Variants in CD74 observed in about 807,000 individuals in gnomAD.
The protein encoded by CD74 is HLA class II histocompatibility antigen gamma chain.
CD74 carries 20 observed loss-of-function variants against 37.1 expected under a neutral mutation model. The observed-to-expected ratio is 0.54, with a 90% CI of 0.38 to 0.78. CD74 has a LOEUF of 0.78. Among genes scored for constraint, CD74 ranks in the 30% least tolerant of loss-of-function variants. The pLI, the probability that CD74 is intolerant of heterozygous loss-of-function variation, is 0.00. For synonymous variants in CD74, 150 were observed against 152.0 expected, an observed-to-expected ratio of 0.99 and a Z score of 0.10; for missense variants, 338 against 389.5, an observed-to-expected ratio of 0.87 and a Z score of 1.11.
At chr5:150,404,056 T>C (rs1036864996) in intron 6 of CD74, among the ~76,000 whole-genome samples, 1 of 152,192 alleles carries the variant, frequency 6.6e-6, no homozygotes, top group African/African-American at 2.4e-5. Flanking sequence ...GGAGATAGCA[T>C]GTAAGGTGCC....
chr5:150,410,139 G>T (rs767860801), intron 1 of CD74, among the ~76,000 whole-genome samples: 8 of 152,214 alleles, frequency 5.3e-5, no homozygotes, highest in Admixed American at 1.3e-4. Flanking sequence ...GCCTTCTCAA[G>T]GAACACGGGT....
At position 150,404,736 on chromosome 5, in the gene CD74, A is replaced by G. The variant is rs2151177208; in HGVS notation, c.569T>C (p.Leu190Pro). ...CAAGGAGTGCCTGCTCATTTCAAAC[A>G]GGAGCCAATGGTGCATCCAGCTCTC... ...VFESWMHHWL[L>P]FEMSRHSLEQ... is the part of the protein sequence containing the mutation. Residue 190 changes from leucine (L) to proline (P), a missense_variant, in exon 6 of 9, where the codon CTG becomes CCG. Physicochemically the swap from Leu to Pro is moderately conservative, Grantham distance 98. Coordinates refer to ENST00000009530, the MANE Select transcript of CD74 (RefSeq NM_001025159.3). The G allele has an allele frequency of 1.9e-6, 3 of 1,586,950 alleles. No homozygotes were observed. Among genetic ancestry groups the G allele is most frequent in the East Asian group, 2.3e-5 (1 of 43,786 alleles).
At chr5:150,408,070 C>T (rs1360381232) in intron 1 of CD74, among the ~76,000 whole-genome samples, 1 of 151,594 alleles carries the variant, frequency 6.6e-6, no homozygotes, top group Non-Finnish European at 1.5e-5. Context: ...TTTCTGCTGG[C>T]AGGATCAACC....
chr5:150,406,975 A>G lies in CD74; in HGVS notation c.299-15T>C. The stretch of plus-strand genomic sequence containing the variant: ...AGGCTTGGGAGCTGTGGGGACAGGA[A>G]CGAGGGTAAGTGTGGCCCCGGTGCC... On this transcript the variant is annotated splice_polypyrimidine_tract_variant and intron_variant, in intron 2 of 8. Transcript: ENST00000009530. 2 of 1,573,626 alleles carry G rather than the reference A, an allele frequency of 1.3e-6. No individual in the cohort carries two copies. Among genetic ancestry groups the G allele is most frequent in the East Asian group, 4.5e-5 (2 of 44,324 alleles).
chr5:150,412,429 C>A (rs1256225499), intron 1 of CD74, among the ~76,000 whole-genome samples, 196 bp downstream of exon 1: 2 of 152,234 alleles, frequency 1.3e-5, no homozygotes, highest in African/African-American at 4.8e-5. Context: ...CTTAAAGGAA[C>A]CCCCTCATTT....
At chr5:150,404,852 A>T in intron 5 of CD74, 85 bp from the exon 6 acceptor site, 1 of 998,142 alleles carries the variant, frequency 1.0e-6, no homozygotes. Context: ...GGACAGAAAC[A>T]TGCAGGGCCA....
chr5:150,407,691 G>A lies in CD74; in HGVS notation c.126-367C>T, dbSNP rs111663990. Among the ~76,000 whole-genome samples the A allele has an allele frequency of 1.8e-3, 275 of 152,244 alleles. No homozygotes were observed. The highest frequency in any genetic ancestry group is 3.3e-3 in the African/African-American group (137 of 41,552). On this transcript the variant is annotated intron_variant, in intron 1 of 8. Transcript: ENST00000009530. The surrounding 1 kb of genome is among the most constrained non-coding windows in gnomAD (Gnocchi z 4.4). Reference sequence around the variant, plus strand: ...GGGGTCTTCCCAGGCTCCCTTTGCCGTGCGGATCTCCTGATGATCAGGGCT... The same window carrying A: ...GGGGTCTTCCCAGGCTCCCTTTGCCATGCGGATCTCCTGATGATCAGGGCT...
Position 150,406,742 on chromosome 5 carries a change from C to T in CD74, c.378+139G>A, listed in dbSNP as rs564954262. 8.1e-6 allele frequency: 5 copies of T among 614,472 alleles called. No individual in the cohort carries two copies. In the South Asian group the frequency reaches 1.2e-4, roughly 14 times the overall value. 38.1% of individuals were successfully genotyped at this position (614,472 alleles called of 1,614,324 possible). On this transcript the variant is annotated intron_variant, in intron 3 of 8. Coordinates refer to ENST00000009530, the MANE Select transcript of CD74 (RefSeq NM_001025159.3). ...TCCACACCTGGGGAGCCCGATTCTTCCTGAGGCAGGCACTGTCCCTCCCGC... is the reference window on the plus strand; with the variant it reads ...TCCACACCTGGGGAGCCCGATTCTTTCTGAGGCAGGCACTGTCCCTCCCGC...
intron 1 of CD74, among the ~76,000 whole-genome samples, chr5:150,411,941 A>G (rs1206239103): frequency 6.6e-6 from 1 of 152,324 alleles, no homozygotes; most frequent in East Asian, 1.9e-4. Context: ...GAACATTTTC[A>G]AAATCTGGTG....
chr5:150,407,135 T>A lies in CD74; in HGVS notation c.298+17A>T. The A allele has an allele frequency of 3.1e-6, 5 of 1,608,872 alleles. No homozygotes were observed. The highest frequency in any genetic ancestry group is 4.2e-6 in the Non-Finnish European group (5 of 1,177,046). On this transcript the variant is annotated intron_variant, in intron 2 of 8. Transcript: ENST00000009530. The surrounding 1 kb of genome is among the most constrained non-coding windows in gnomAD (Gnocchi z 4.4). ...TGGTGGGAGGTGGGGGGTATCAGGA[T>A]GTAGGGGTGCACGCACGCTTGGGAA...
intron 3 of CD74, 65 bp downstream of exon 3, chr5:150,406,816 T>G (rs1000442955): frequency 7.0e-6 from 8 of 1,137,666 alleles, no homozygotes; most frequent in Admixed American, 3.1e-5. Context: ...GCCCCTCCCC[T>G]TGGCACTGTC....
Position 150,402,544 on chromosome 5 carries a change from C to A in CD74, c.880+19G>T, listed in dbSNP as rs1175296944. ...GGATGAGCTGCTGGTGACCAGATGC[C>A]CCTCTGCAAGGCCCTTACCTGGGCC... On this transcript the variant is annotated intron_variant, in intron 8 of 8. Coordinates refer to ENST00000009530, the MANE Select transcript of CD74 (RefSeq NM_001025159.3). This position sits in a 1 kb window ranked among gnomAD's most constrained non-coding sequence, Gnocchi z 4.2. 2 of 1,610,304 alleles carry A rather than the reference C, an allele frequency of 1.2e-6. No homozygotes were observed. The highest frequency in any genetic ancestry group is 1.7e-4 in the Middle Eastern group (1 of 6,050).
In CD74 at chr5:150,407,152, G is replaced by T; in HGVS notation, c.298C>A (p.Pro100Thr). The change falls in exon 2 of 9, where the codon CCT becomes ACT. Residue 100 changes from proline to threonine, a missense_variant and splice_region_variant. Coordinates refer to ENST00000009530, the MANE Select transcript of CD74 (RefSeq NM_001025159.3). This position sits in a 1 kb window ranked among gnomAD's most constrained non-coding sequence, Gnocchi z 4.4. ...TATCAGGATGTAGGGGTGCACGCACGCTTGGGAAGCTTCATGCGCAGGTTC... is the reference window on the plus strand; with the variant it reads ...TATCAGGATGTAGGGGTGCACGCACTCTTGGGAAGCTTCATGCGCAGGTTC... Reference protein sequence around the residue: ...LENLRMKLPKPPKPVSKMRMA... With the variant: ...LENLRMKLPKTPKPVSKMRMA... 6.2e-7 allele frequency: 1 copy of T among 1,613,472 alleles called. No homozygotes were observed. Among genetic ancestry groups the T allele is most frequent in the South Asian group, 1.1e-5 (1 of 91,022 alleles).
chr5:150,409,395 C>T (rs186124621), intron 1 of CD74, among the ~76,000 whole-genome samples: 1 of 151,738 alleles, frequency 6.6e-6, no homozygotes, highest in Non-Finnish European at 1.5e-5. Context: ...GACGTGGTGG[C>T]GAGCACCTGT....
At chr5:150,405,351 A>G (rs1581251861) in intron 4 of CD74, 171 bp from the exon 5 acceptor site, 1 of 1,340,288 alleles carries the variant, frequency 7.5e-7, no homozygotes, top group Non-Finnish European at 9.5e-7. Flanking sequence ...GGGTACGGGT[A>G]AGGGTAGTCC....
chr5:150,412,736 C>T lies in CD74; in HGVS notation c.14G>A (p.Arg5Lys). 16 of 1,614,058 alleles carry T rather than the reference C, an allele frequency of 9.9e-6. No individual in the cohort carries two copies. The highest frequency in any genetic ancestry group is 8.8e-5 in the South Asian group (8 of 91,080). The change falls in exon 1 of 9, where the codon AGA (arginine) becomes AAA (lysine). Residue 5 changes from arginine (R) to lysine (K), a missense_variant. Physicochemically the swap from Arg to Lys is conservative, Grantham distance 26. Coordinates refer to ENST00000009530, the MANE Select transcript of CD74 (RefSeq NM_001025159.3). Reference sequence around the variant, plus strand: ...CTGATCTTCCCGACAGCTCCTGCTTCTCCTCCTGTGCATCTGGGACCCTGA... The same window carrying T: ...CTGATCTTCCCGACAGCTCCTGCTTTTCCTCCTGTGCATCTGGGACCCTGA... Reference protein sequence around the residue: MHRRRSRSCREDQKP... With the variant: MHRRKSRSCREDQKP...
At chr5:150,410,104 A>C (rs1770253641) in intron 1 of CD74, among the ~76,000 whole-genome samples, 1 of 151,964 alleles carries the variant, frequency 6.6e-6, no homozygotes, top group Non-Finnish European at 1.5e-5. Context: ...ACCAGACAGG[A>C]AGGGAAAACA....
At chr5:150,406,626 G>A in intron 3 of CD74, 1 of 587,344 alleles carries the variant, frequency 1.7e-6, no homozygotes, top group Non-Finnish European at 3.0e-6. Flanking sequence ...AGGACAGTGA[G>A]ATGCTATAGG....
rs371122634 is a variant in CD74, at chr5:150,407,279, C to T, written c.171G>A (p.Val57=). Residue 57 remains valine, a synonymous_variant, in exon 2 of 9, where the codon GTG becomes GTA. Transcript: ENST00000009530. This position sits in a 1 kb window ranked among gnomAD's most constrained non-coding sequence, Gnocchi z 4.4. ...GALYTGFSIL[V]TLLLAGQATT... is the part of the protein sequence containing the mutation. ...TGGCCTGGCCAGCGAGGAGCAGAGT[C>T]ACCAGGATGGAAAAGCCTGTGTACA... 28 of 1,612,820 alleles carry T rather than the reference C, an allele frequency of 1.7e-5. No homozygotes were observed. Among genetic ancestry groups the T allele is most frequent in the East Asian group, 8.9e-5 (4 of 44,856 alleles).
Sources: allele counts gnomAD v4.1 joint callset (sites outside exome capture counted in the v4.1 genomes callset), GRCh38; gene constraint gnomAD v4.1.1; non-coding constraint Gnocchi (gnomAD v3.1); transcripts MANE v1.5; gene names NCBI Gene and HGNC (gene_info 2026-07-23, HGNC 2026-07-21).